The following ZFAT variants were observed in gnomAD, a reference collection of about 807,000 sequenced individuals.
The protein encoded by ZFAT is zinc finger and AT-hook domain containing.
A neutral mutation model predicts 117.7 loss-of-function variants in ZFAT; 64 were observed. The ratio of observed to expected loss-of-function variants is 0.54; its 90% CI spans 0.44 to 0.67. The LOEUF is 0.67. ZFAT is among the 30% of genes least tolerant of loss of function. The probability of loss-of-function intolerance (pLI) is 0.00; values close to 1 mark genes in which losing one functional copy is unlikely to be tolerated. For missense variants in ZFAT, 1,433 were observed against 1,584.5 expected (o/e 0.90, Z 1.62); for synonymous variants, 679 against 615.0 (o/e 1.10, Z -1.54).
chr8:134,824,531 T>C, the ZFAT span, among the ~76,000 whole-genome samples: 1 of 152,222 alleles, frequency 6.6e-6, no homozygotes, highest in South Asian at 2.1e-4. Context: ...GATGAAATGC[T>C]TGACTTCCTC....
chr8:134,655,218 A>C (rs1424327519), intron 2 of ZFAT, among the ~76,000 whole-genome samples: 1 of 152,244 alleles, frequency 6.6e-6, no homozygotes, highest in African/African-American at 2.4e-5. Context: ...GCCAGCTCCT[A>C]CATGAATGGC....
the ZFAT span, among the ~76,000 whole-genome samples, chr8:134,730,218 C>A: frequency 6.6e-6 from 1 of 152,226 alleles, no homozygotes; most frequent in East Asian, 1.9e-4. Context: ...AGCAATGCCC[C>A]GGGCCCAATG....
intron 3 of ZFAT, among the ~76,000 whole-genome samples, chr8:134,622,305 C>G (rs1200478258): frequency 6.6e-6 from 1 of 152,234 alleles, no homozygotes; most frequent in Non-Finnish European, 1.5e-5. Flanking sequence ...CTCTTCAACC[C>G]TAGCACATTA....
At chr8:134,820,998 C>T in the ZFAT span, among the ~76,000 whole-genome samples, 1 of 152,130 alleles carries the variant, frequency 6.6e-6, no homozygotes, top group Non-Finnish European at 1.5e-5. Context: ...AGCATGAGAT[C>T]TGGAATCAAA....
intron 1 of ZFAT, among the ~76,000 whole-genome samples, chr8:134,708,526 G>A (rs1813869099): frequency 6.6e-6 from 1 of 151,608 alleles, no homozygotes; most frequent in African/African-American, 2.4e-5. Flanking sequence ...AATATGCCAA[G>A]CATTATCTTT....
the ZFAT span, among the ~76,000 whole-genome samples, chr8:134,755,826 AAAAAAAAAAAG>A: frequency 7.1e-6 from 1 of 140,774 alleles, no homozygotes; most frequent in East Asian, 1.9e-4. Flanking sequence ...TCAAAAAAAA[AAAAAAAAAAAG>A]AAAAAGAAAA....
chr8:134,667,991 C>A (rs1453498416), intron 1 of ZFAT, among the ~76,000 whole-genome samples: 2 of 152,142 alleles, frequency 1.3e-5, no homozygotes, highest in African/African-American at 4.8e-5. Flanking sequence ...GTCCCATGCC[C>A]ACAGAGCCTC....
the ZFAT span, among the ~76,000 whole-genome samples, chr8:134,744,987 C>G: frequency 6.6e-6 from 1 of 150,928 alleles, no homozygotes; most frequent in Non-Finnish European, 1.5e-5. Context: ...CCTCGGCCTC[C>G]CAAAGTGCTG....
At chr8:134,624,180 G>GCACACACACACACA (rs57195425) in intron 3 of ZFAT, among the ~76,000 whole-genome samples, 3 of 146,298 alleles carry the variant, frequency 2.1e-5, no homozygotes, top group African/African-American at 7.7e-5. Context: ...ATGTGCACAT[G>GCACACACACACACA]CACACACACA....
the ZFAT span, chr8:134,798,100 A>G: frequency 6.6e-6 from 1 of 152,052 alleles, no homozygotes. Context: ...ACTGAAGTCT[A>G]CAGGAGACAT....
intron 15 of ZFAT, among the ~76,000 whole-genome samples, chr8:134,504,270 C>T (rs1006329914): frequency 3.9e-5 from 6 of 152,184 alleles, no homozygotes; most frequent in Non-Finnish European, 8.8e-5. Flanking sequence ...CCTAGCACCC[C>T]CAGTCTGCTG....
At chr8:134,642,671 T>G (rs1830651365) in intron 2 of ZFAT, among the ~76,000 whole-genome samples, 1 of 152,214 alleles carries the variant, frequency 6.6e-6, no homozygotes, top group Non-Finnish European at 1.5e-5. Context: ...AAATCCAATG[T>G]AGAATTAAAG....
At chr8:134,754,963 G>C in the ZFAT span, among the ~76,000 whole-genome samples, 3 of 152,178 alleles carry the variant, frequency 2.0e-5, no homozygotes, top group Non-Finnish European at 4.4e-5. Context: ...AGCGGGTCTC[G>C]GAGATAGGGC....
chr8:134,668,079 G>A (rs536515865), intron 1 of ZFAT, among the ~76,000 whole-genome samples: 2 of 152,318 alleles, frequency 1.3e-5, no homozygotes, highest in Non-Finnish European at 2.9e-5. Context: ...CGCCATTGCT[G>A]AGGCTTGAGT....
intron 15 of ZFAT, among the ~76,000 whole-genome samples, chr8:134,504,833 C>T: frequency 6.6e-6 from 1 of 152,168 alleles, no homozygotes; most frequent in Admixed American, 6.5e-5. Context: ...CCCTCTTCCA[C>T]CACCCCTACC....
At chr8:134,568,955 T>C (rs779469419) in intron 10 of ZFAT, among the ~76,000 whole-genome samples, 6 of 152,194 alleles carry the variant, frequency 3.9e-5, no homozygotes, top group African/African-American at 9.6e-5. Flanking sequence ...CGAGGTGAGA[T>C]TGACCTCAGA....
At chr8:134,514,568 T>C (rs11787375) in intron 13 of ZFAT, among the ~76,000 whole-genome samples, 25,677 of 152,134 alleles carry the variant, frequency 0.17, 2,324 homozygotes, top group Non-Finnish European at 0.19. Context: ...TTCTGAGCTC[T>C]CAGGGATTAT....
rs1314996033 is a variant in ZFAT at position 134,538,865 on chromosome 8, A to G, written c.2977-5893T>C. Among the ~76,000 whole-genome samples the G allele has an allele frequency of 3.6e-5, 5 of 140,462 alleles. No individual in the cohort carries two copies. The Admixed American group carries it at 3.9e-4, about 11-fold the overall frequency. 92.1% of individuals were successfully genotyped at this position (140,462 alleles called of 152,430 possible). ...GAAGATTTACAAATTGAGTTGAGAG[A>G]AAATGAGATTGAATGTGTTAAGGCT... On this transcript the variant is annotated intron_variant, in intron 11 of 15. Coordinates refer to ENST00000377838, the MANE Select transcript of ZFAT (RefSeq NM_020863.4).
At chr8:134,631,522 C>T (rs1006782958) in intron 3 of ZFAT, among the ~76,000 whole-genome samples, 2 of 152,214 alleles carry the variant, frequency 1.3e-5, no homozygotes, top group African/African-American at 4.8e-5. Flanking sequence ...AAAATTAGAA[C>T]TTAGGTCTAA....
Sources: gnomAD v4.1 joint callset for allele counts (sites outside exome capture counted in the v4.1 genomes callset) on GRCh38, gnomAD v4.1.1 for gene constraint, MANE v1.5 for transcripts, NCBI Gene and HGNC (gene_info 2026-07-23, HGNC 2026-07-21) for gene names.